Variants in ZFAND3 observed in about 807,000 individuals in gnomAD.
ZFAND3 encodes zinc finger AN1-type containing 3.
Under a neutral mutation model 29.6 loss-of-function variants are expected in ZFAND3, and 10 were observed. That is an observed-to-expected ratio of 0.34 (90% CI 0.21 to 0.57). ZFAND3 has a LOEUF of 0.57. Ranked by LOEUF, ZFAND3 falls within the 20% of genes least tolerant of loss-of-function variation. The pLI is 0.86. For missense variants in ZFAND3, 230 were observed against 304.5 expected (o/e 0.76, Z 1.82); for synonymous variants, 128 against 112.6 (o/e 1.14, Z -0.87).
chr6:38,022,452 T>G (rs1490376371), intron 2 of ZFAND3, among the ~76,000 whole-genome samples: 1 of 152,248 alleles, frequency 6.6e-6, no homozygotes, highest in African/African-American at 2.4e-5. Context: ...TATTTCTTCT[T>G]AATCCTTGCA....
At chr6:38,086,540 T>G (rs942066425) in intron 4 of ZFAND3, among the ~76,000 whole-genome samples, 1 of 152,194 alleles carries the variant, frequency 6.6e-6, no homozygotes, top group Non-Finnish European at 1.5e-5. Context: ...CCTTGTTAAT[T>G]CTCACAACAT....
At chr6:38,029,310 C>T (rs1281763995) in intron 2 of ZFAND3, among the ~76,000 whole-genome samples, 1 of 152,160 alleles carries the variant, frequency 6.6e-6, no homozygotes, top group Non-Finnish European at 1.5e-5. Flanking sequence ...ATTGATTATA[C>T]AAATTTTCAG....
rs375953668 is a variant in ZFAND3, at chr6:37,977,513, G to T, written c.112+47514G>T. On this transcript the variant is annotated intron_variant, in intron 2 of 5. Coordinates refer to ENST00000287218, the MANE Select transcript of ZFAND3 (RefSeq NM_021943.3). ...GACGGGGGTTTCACCATGTTGACCAGGCTGGTCTTGAACTCCTGACCTCAA... is the reference window on the plus strand; with the variant it reads ...GACGGGGGTTTCACCATGTTGACCATGCTGGTCTTGAACTCCTGACCTCAA... Among the ~76,000 whole-genome samples the T allele has an allele frequency of 1.4e-4, 22 of 152,198 alleles. No individual in the cohort carries two copies. In the East Asian group the frequency reaches 4.1e-3, roughly 28 times the overall value.
chr6:37,981,126 A>G (rs1311515402), intron 2 of ZFAND3, among the ~76,000 whole-genome samples: 1 of 152,228 alleles, frequency 6.6e-6, no homozygotes, highest in Admixed American at 6.5e-5. Context: ...AGGCAACCAT[A>G]CCTAGCTGGT....
In ZFAND3 at chr6:38,063,658, C is replaced by A. The variant is rs2842507; in HGVS notation, c.295+1883C>A. 3.9e-5 allele frequency among the ~76,000 whole-genome samples: 6 copies of A among 152,222 alleles called. No homozygotes were observed. In the South Asian group the frequency reaches 1.0e-3, roughly 26 times the overall value. ...GTGGAAGGAAAGCTGCATGGAGTTT[C>A]TCAATGGCAAATGACTGTCTTAGGG... On this transcript the variant is annotated intron_variant, in intron 3 of 5. Transcript: ENST00000287218.
chr6:37,919,678 G>T (rs1457769904), intron 1 of ZFAND3, among the ~76,000 whole-genome samples: 1 of 152,126 alleles, frequency 6.6e-6, no homozygotes, highest in Admixed American at 6.6e-5. Flanking sequence ...ACATTTCAAG[G>T]CTGTTACTGC....
At chr6:37,918,456 C>T (rs542483696) in intron 1 of ZFAND3, among the ~76,000 whole-genome samples, 4 of 152,264 alleles carry the variant, frequency 2.6e-5, no homozygotes, top group African/African-American at 9.6e-5. Flanking sequence ...AGCTTCCTTG[C>T]TAGCCTGTTT....
chr6:37,943,445 A>G (rs1216597509), intron 2 of ZFAND3, among the ~76,000 whole-genome samples: 4 of 152,162 alleles, frequency 2.6e-5, no homozygotes, highest in Non-Finnish European at 4.4e-5. Flanking sequence ...AGAACACTGT[A>G]TTTTCCAGCT....
At chr6:38,086,887 A>G (rs751698819) in intron 4 of ZFAND3, among the ~76,000 whole-genome samples, 1 of 152,332 alleles carries the variant, frequency 6.6e-6, no homozygotes, top group African/African-American at 2.4e-5. Context: ...AGACAAAGCT[A>G]TCGTAAGCAA....
intron 1 of ZFAND3, among the ~76,000 whole-genome samples, chr6:37,895,401 C>T (rs1011691225): frequency 6.8e-6 from 1 of 146,030 alleles, no homozygotes; most frequent in Non-Finnish European, 1.5e-5. Flanking sequence ...GTGACGTGAT[C>T]TCCGCTCACT....
At chr6:37,919,783 C>G (rs1278627063) in intron 1 of ZFAND3, among the ~76,000 whole-genome samples, 1 of 152,140 alleles carries the variant, frequency 6.6e-6, no homozygotes, top group Non-Finnish European at 1.5e-5. Flanking sequence ...TGTTTAAAAC[C>G]GAATCCTCCC....
At chr6:38,117,114 T>C (rs1188647908) in intron 5 of ZFAND3, among the ~76,000 whole-genome samples, 2 of 152,192 alleles carry the variant, frequency 1.3e-5, no homozygotes, top group Admixed American at 6.5e-5. Context: ...AATTCAGATA[T>C]TAAGTTAATT....
chr6:38,052,725 G>A (rs187765912), intron 2 of ZFAND3, among the ~76,000 whole-genome samples: 29 of 152,160 alleles, frequency 1.9e-4, no homozygotes, highest in Admixed American at 7.9e-4. Context: ...AATCTCCCAC[G>A]TGTCATGATT....
At chr6:38,096,181 C>G (rs1273527106) in intron 4 of ZFAND3, among the ~76,000 whole-genome samples, 4 of 151,742 alleles carry the variant, frequency 2.6e-5, no homozygotes, top group South Asian at 2.1e-4. Flanking sequence ...GTTGTCCCCC[C>G]CAACCCCCCG....
chr6:38,116,961 C>T (rs183165109), intron 5 of ZFAND3, among the ~76,000 whole-genome samples: 26 of 152,210 alleles, frequency 1.7e-4, no homozygotes, highest in Admixed American at 3.3e-4. Flanking sequence ...CAAAAACATC[C>T]CCATGTTCTT....
chr6:38,108,696 A>T (rs1366832971), intron 4 of ZFAND3, among the ~76,000 whole-genome samples: 3 of 152,162 alleles, frequency 2.0e-5, no homozygotes, highest in Non-Finnish European at 4.4e-5. Flanking sequence ...GCCTACCCAC[A>T]TTGAGGGTGG....
chr6:38,085,641 T>C (rs1764743209), intron 4 of ZFAND3, among the ~76,000 whole-genome samples: 1 of 152,162 alleles, frequency 6.6e-6, no homozygotes, highest in Non-Finnish European at 1.5e-5. Context: ...GGTCTTATTA[T>C]GTTGCCCAGA....
intron 2 of ZFAND3, among the ~76,000 whole-genome samples, chr6:38,037,847 A>G (rs1763689468): frequency 1.3e-5 from 2 of 152,226 alleles, no homozygotes; most frequent in African/African-American, 4.8e-5. Context: ...TAACAATCCC[A>G]TCATATTCCT....
rs116820190 is a variant in ZFAND3, at chr6:38,147,875, T to G, written c.530-4360T>G. Among the ~76,000 whole-genome samples, 1,001 of 152,184 alleles carry G rather than the reference T, an allele frequency of 6.6e-3. 11 individuals are homozygous for G. Among genetic ancestry groups the G allele is most frequent in the African/African-American group, 0.023 (951 of 41,524 alleles). ...TGGATATAGTCCCCTGTCAGATGAG[T>G]GATTTGCAGATATTTTTTCCCATTT... On this transcript the variant is annotated intron_variant, in intron 5 of 5. Coordinates refer to ENST00000287218, the MANE Select transcript of ZFAND3 (RefSeq NM_021943.3).
Sources: allele counts gnomAD v4.1 joint callset (sites outside exome capture counted in the v4.1 genomes callset), GRCh38; gene constraint gnomAD v4.1.1; transcripts MANE v1.5; gene names NCBI Gene and HGNC (gene_info 2026-07-23, HGNC 2026-07-21).